The following INO80E variants were observed in gnomAD, a reference collection of about 807,000 sequenced individuals.
The protein encoded by INO80E is coiled-coil domain containing 95.
In INO80E, 20 loss-of-function variants were observed where a neutral mutation model predicts 27.3. The observed-to-expected ratio is 0.73, with a 90% CI of 0.51 to 1.06. The LOEUF (loss-of-function observed/expected upper bound fraction) is 1.06. INO80E is among the 50% of genes least tolerant of loss of function. The probability of loss-of-function intolerance (pLI) is 0.00; values close to 1 mark genes in which losing one functional copy is unlikely to be tolerated. For missense variants in INO80E, 357 were observed against 322.8 expected (o/e 1.11, Z -0.81); for synonymous variants, 167 against 145.9 (o/e 1.14, Z -1.04).
chr16:29,999,132 C>G (rs756953835), intron 3 of INO80E: 1 of 151,924 alleles, frequency 6.6e-6, no homozygotes. Flanking sequence ...TGTCAGAACG[C>G]ATGATACCCA....
At chr16:30,001,237 G>A (rs571875964) in intron 5 of INO80E, 177 bp from the exon 6 acceptor site, 2 of 1,494,108 alleles carry the variant, frequency 1.3e-6, no homozygotes, top group Non-Finnish European at 1.8e-6. Context: ...TGACTGAGGA[G>A]AGCAAAGCCC....
intron 2 of INO80E, 70 bp from the exon 3 acceptor site, chr16:29,996,738 A>T: frequency 6.3e-7 from 1 of 1,595,410 alleles, no homozygotes; most frequent in Non-Finnish European, 8.6e-7. Context: ...GCCAGCTGGG[A>T]GGGACAGGTA....
intron 3 of INO80E, 94 bp from the exon 4 acceptor site, chr16:30,000,664 C>A: frequency 9.8e-7 from 1 of 1,018,476 alleles, no homozygotes; most frequent in Non-Finnish European, 1.5e-6. Flanking sequence ...CGCACCTGGT[C>A]TTCCAGTGCC....
At position 30,001,404 on chromosome 16, in the gene INO80E, C is replaced by G; in HGVS notation, c.397-10C>G. The G allele has an allele frequency of 6.3e-7, 1 of 1,580,252 alleles. No individual in the cohort carries two copies. The highest frequency in any genetic ancestry group is 8.6e-7 in the Non-Finnish European group (1 of 1,161,500). ...CCGCCTCCCATCTCCATCCCCGCTC[C>G]CGCCCGCAGCTGGCCTCCTCCCGCT... is the stretch of plus-strand genomic sequence containing the variant. On this transcript the variant is annotated splice_polypyrimidine_tract_variant and intron_variant, in intron 5 of 6. Transcript: ENST00000563197.
At chr16:29,996,642 G>A (rs372023618) in intron 2 of INO80E, 25 bp downstream of exon 2, 73 of 1,581,246 alleles carry the variant, frequency 4.6e-5, no homozygotes, top group Non-Finnish European at 5.9e-5. Flanking sequence ...AGGGGCGGAG[G>A]GCGATGTGCT....
chr16:30,001,362 C>T, intron 5 of INO80E, 52 bp from the exon 6 acceptor site: 1 of 1,535,044 alleles, frequency 6.5e-7, no homozygotes, highest in Non-Finnish European at 8.8e-7. Context: ...CTTCCCCCAC[C>T]CTCACCCCGG....
At chr16:30,000,615 T>C in intron 3 of INO80E, 143 bp from the exon 4 acceptor site, 1 of 646,608 alleles carries the variant, frequency 1.5e-6, no homozygotes, top group Non-Finnish European at 2.7e-6. Context: ...TCTGGCCACC[T>C]CAGCCTCTCA....
At chr16:30,001,284 T>C in intron 5 of INO80E, 130 bp from the exon 6 acceptor site, 1 of 1,492,518 alleles carries the variant, frequency 6.7e-7, no homozygotes, top group East Asian at 2.5e-5. Flanking sequence ...CCTTCTGTGC[T>C]CGGGAGCCCC....
In INO80E at chr16:29,996,339, A is replaced by G. The variant is rs778921997; in HGVS notation, c.29A>G (p.Asp10Gly). MNGPADGEV[D>G]YKKKYRNLKR... is the part of the protein sequence containing the mutation. ...AACGGGCCGGCGGACGGCGAAGTGG[A>G]CTACAAAAAAAAATACCGGAATCTG... Residue 10 changes from aspartate to glycine, a missense_variant, in exon 1 of 7, where the codon GAC becomes GGC. Asp to Gly is a moderately conservative substitution (Grantham distance 94). Transcript: ENST00000563197. 1.3e-6 allele frequency: 2 copies of G among 1,597,848 alleles called. No individual in the cohort carries two copies.
chr16:30,005,336 CCCCCACGAT>C lies in INO80E; in HGVS notation c.632_640del (p.Pro211_Ile213del). 1 of 1,330,204 alleles carries C rather than the reference CCCCCACGAT, an allele frequency of 7.5e-7. No individual in the cohort carries two copies. Among genetic ancestry groups the C allele is most frequent in the Non-Finnish European group, 9.9e-7 (1 of 1,009,074 alleles). 82.4% of individuals were successfully genotyped at this position (1,330,204 alleles called of 1,614,324 possible). On this transcript the variant is annotated inframe_deletion, in exon 7 of 7. Coordinates refer to ENST00000563197, the MANE Select transcript of INO80E (RefSeq NM_173618.3). ...CCCCTCCCACCCCCTAAGATGCCCC[CCCCCACGAT>C]CCTGAGCACGGTCCCTCGGCAGATG...
chr16:30,001,620 C>G (rs2070359911), intron 6 of INO80E, 90 bp downstream of exon 6: 4 of 1,246,396 alleles, frequency 3.2e-6, no homozygotes, highest in Non-Finnish European at 4.5e-6. Flanking sequence ...GTCAGAGAAC[C>G]ATGAACAGTT....
Position 29,996,627 on chromosome 16 carries a change from G to A in INO80E, c.152+10G>A. ...TGTCCCGGGACAAGAGGTGAGGCACGTTGCAGGGGCGGAGGGCGATGTGCT... is the reference window on the plus strand; with the variant it reads ...TGTCCCGGGACAAGAGGTGAGGCACATTGCAGGGGCGGAGGGCGATGTGCT... On this transcript the variant is annotated intron_variant, in intron 2 of 6. Transcript: ENST00000563197. 9 of 1,582,018 alleles carry A rather than the reference G, an allele frequency of 5.7e-6. No homozygotes were observed. The highest frequency in any genetic ancestry group is 1.3e-5 in the African/African-American group (1 of 74,466).
At position 29,997,190 on chromosome 16, in the gene INO80E, G is replaced by A. The variant is rs150670063; in HGVS notation, c.205+330G>A. On this transcript the variant is annotated intron_variant, in intron 3 of 6. Transcript: ENST00000563197. ...GTCATAGGAAGGACTTGAAGGTAAT[G>A]AAAACAGTTATGCGGTAATGATTAT... Among the ~76,000 whole-genome samples, 29 of 152,326 alleles carry A rather than the reference G, an allele frequency of 1.9e-4. No homozygotes were observed. In the East Asian group the frequency reaches 5.2e-3, roughly 27 times the overall value.
At chr16:29,997,490 C>T (rs1457576872) in intron 3 of INO80E, among the ~76,000 whole-genome samples, 1 of 151,882 alleles carries the variant, frequency 6.6e-6, no homozygotes, top group Non-Finnish European at 1.5e-5. Flanking sequence ...GTGCAGTGGC[C>T]CACGCCTGTA....
intron 3 of INO80E, 30 bp downstream of exon 3, chr16:29,996,890 A>C (rs191800755): frequency 1.2e-6 from 2 of 1,609,758 alleles, no homozygotes; most frequent in African/African-American, 1.3e-5. Flanking sequence ...ATTGGTGGAG[A>C]GCATGGTTCC....
intron 1 of INO80E, 63 bp from the exon 2 acceptor site, chr16:29,996,484 C>A: frequency 6.4e-7 from 1 of 1,551,106 alleles, no homozygotes; most frequent in Non-Finnish European, 8.7e-7. Flanking sequence ...GGCGAGCGGC[C>A]GCTGGTTCCG....
Position 30,000,944 on chromosome 16 carries a change from G to T in INO80E, c.300G>T (p.Pro100=), listed in dbSNP as rs781420766. The change falls in exon 5 of 7, where the codon CCG becomes CCT. Residue 100 remains proline, a synonymous_variant. Coordinates refer to ENST00000563197, the MANE Select transcript of INO80E (RefSeq NM_173618.3). ...CTTTCTCCAGGAAGAGAAGCCCTCC[G>T]CTGGGGGGCGCCCCCTCTCCCTCCA... ...TPAPKRKRSP[P]LGGAPSPSSL... The T allele has an allele frequency of 1.9e-6, 3 of 1,588,378 alleles. No homozygotes were observed. Among genetic ancestry groups the T allele is most frequent in the Admixed American group, 1.7e-5 (1 of 58,112 alleles).
In INO80E at chr16:30,001,059, T is replaced by C. The variant is rs1204831212; in HGVS notation, c.396+19T>C. On this transcript the variant is annotated intron_variant, in intron 5 of 6. Coordinates refer to ENST00000563197, the MANE Select transcript of INO80E (RefSeq NM_173618.3). ...GAGCTCGGTGAGTTGGGGTCAGGGA[T>C]GGGAAGTGCTTGGGAGTAAGGTGGG... 2.0e-6 allele frequency: 3 copies of C among 1,532,102 alleles called. No homozygotes were observed. Among genetic ancestry groups the C allele is most frequent in the Non-Finnish European group, 2.6e-6 (3 of 1,137,520 alleles). 94.9% of individuals were successfully genotyped at this position (1,532,102 alleles called of 1,614,324 possible).
At position 30,000,956 on chromosome 16, in the gene INO80E, C is replaced by A. The variant is rs745395221; in HGVS notation, c.312C>A (p.Ala104=). 1.1e-5 allele frequency: 17 copies of A among 1,581,116 alleles called. No individual in the cohort carries two copies. The Admixed American group carries it at 2.8e-4, about 26-fold the overall frequency. The change falls in exon 5 of 7, where the codon GCC becomes GCA. Residue 104 remains alanine (A), a synonymous_variant. Coordinates refer to ENST00000563197, the MANE Select transcript of INO80E (RefSeq NM_173618.3). ...AGAGAAGCCCTCCGCTGGGGGGCGC[C>A]CCCTCTCCCTCCAGCCTCTCCCTGC... ...KRKRSPPLGG[A]PSPSSLSLPP... is the part of the protein sequence containing the mutation.
Sources: gnomAD v4.1 joint callset for allele counts (sites outside exome capture counted in the v4.1 genomes callset) on GRCh38, gnomAD v4.1.1 for gene constraint, MANE v1.5 for transcripts, NCBI Gene and HGNC (gene_info 2026-07-23, HGNC 2026-07-21) for gene names.